The following STARD13 variants were observed in gnomAD, a reference collection of about 807,000 sequenced individuals.
STARD13 encodes StAR related lipid transfer domain containing 13, also known as stAR-related lipid transfer protein 13.
A neutral mutation model predicts 106.4 loss-of-function variants in STARD13; 62 were observed. The observed-to-expected ratio is 0.58, with a 90% CI of 0.48 to 0.72. The LOEUF is 0.72. STARD13 is among the 30% of genes least tolerant of loss of function. STARD13 has a pLI of 0.00. For synonymous variants in STARD13, 565 were observed against 553.0 expected, an observed-to-expected ratio of 1.02 and a Z score of -0.31; for missense variants, 1,387 against 1,424.0, an observed-to-expected ratio of 0.97 and a Z score of 0.42.
the STARD13 span, among the ~76,000 whole-genome samples, chr13:33,393,745 A>G: frequency 6.6e-6 from 1 of 152,226 alleles, no homozygotes; most frequent in Non-Finnish European, 1.5e-5. Context: ...GGTGCATACT[A>G]TTTGACAAAA....
the STARD13 span, among the ~76,000 whole-genome samples, chr13:33,639,984 G>A: frequency 6.6e-6 from 1 of 152,196 alleles, no homozygotes; most frequent in Non-Finnish European, 1.5e-5. Context: ...GTAGAGCAAT[G>A]GGTGAGAGGA....
downstream of STARD13, among the ~76,000 whole-genome samples, chr13:33,344,707 T>C (rs2078000300): frequency 1.3e-5 from 2 of 152,222 alleles, no homozygotes; most frequent in African/African-American, 4.8e-5. Flanking sequence ...GTCAGAATAT[T>C]TTTGGCAGCA....
chr13:33,499,613 CTT>C, the STARD13 span, among the ~76,000 whole-genome samples: 2,181 of 69,338 alleles, frequency 0.031, 90 homozygotes, highest in Middle Eastern at 0.044. Flanking sequence ...CTTTCTTCTT[CTT>C]CTTCTTCTTC....
the STARD13 span, among the ~76,000 whole-genome samples, chr13:33,430,880 A>C: frequency 6.6e-6 from 1 of 152,242 alleles, no homozygotes. Context: ...TTATGAAGAC[A>C]GAATAGACTG....
At chr13:33,134,686 C>G (rs1315678287) in intron 4 of STARD13, among the ~76,000 whole-genome samples, 1 of 152,104 alleles carries the variant, frequency 6.6e-6, no homozygotes, top group Non-Finnish European at 1.5e-5. Flanking sequence ...ACCATATAAA[C>G]CCTAAAGTGG....
intron 11 of STARD13, 93 bp downstream of exon 11, chr13:33,110,593 G>T: frequency 9.3e-7 from 1 of 1,077,736 alleles, no homozygotes; most frequent in Non-Finnish European, 1.4e-6. Flanking sequence ...GCCAAGCCCT[G>T]TGGACACAGC....
At chr13:33,219,438 G>T (rs770717193) in intron 1 of STARD13, among the ~76,000 whole-genome samples, 4 of 149,110 alleles carry the variant, frequency 2.7e-5, no homozygotes. Flanking sequence ...AAAATAGGTC[G>T]GATGCAGGAG....
the STARD13 span, among the ~76,000 whole-genome samples, chr13:33,627,421 G>A: frequency 6.6e-6 from 1 of 152,092 alleles, no homozygotes; most frequent in African/African-American, 2.4e-5. Flanking sequence ...GGTGGATCAC[G>A]AGGTCAGGAG....
At chr13:33,504,537 T>C in the STARD13 span, among the ~76,000 whole-genome samples, 3 of 142,586 alleles carry the variant, frequency 2.1e-5, no homozygotes, top group Non-Finnish European at 3.0e-5. Flanking sequence ...TTCTCACTCA[T>C]AGGGGAGAAT....
the STARD13 span, among the ~76,000 whole-genome samples, chr13:33,560,029 A>G: frequency 1.3e-5 from 2 of 151,484 alleles, no homozygotes; most frequent in Non-Finnish European, 2.9e-5. Context: ...TAAGCCATCT[A>G]GTCTGTGGTA....
chr13:33,432,205 C>G, the STARD13 span, among the ~76,000 whole-genome samples: 1 of 152,240 alleles, frequency 6.6e-6, no homozygotes, highest in South Asian at 2.1e-4. Flanking sequence ...AGAGGACCCA[C>G]AGTCACTCGC....
At chr13:33,350,459 C>G (rs1187017521) in exon 1 of STARD13, 2 of 1,503,036 alleles carry the variant, frequency 1.3e-6, no homozygotes, top group Admixed American at 4.1e-5. Context: ...CACCGCCACT[C>G]CCGCGTGGCC....
At chr13:33,594,542 G>A in the STARD13 span, among the ~76,000 whole-genome samples, 5 of 152,060 alleles carry the variant, frequency 3.3e-5, no homozygotes, top group Non-Finnish European at 7.4e-5. Flanking sequence ...ATTTATCATT[G>A]TAATGATTTT....
At position 33,129,602 on chromosome 13, in the gene STARD13, G is replaced by T; in HGVS notation, c.1075C>A (p.Arg359Ser). The change falls in exon 5 of 14, where the codon CGC (arginine) becomes AGC (serine). Residue 359 changes from arginine to serine, a missense_variant. Coordinates refer to ENST00000336934, the MANE Select transcript of STARD13 (RefSeq NM_178006.4). ...KERKCHEANK[R>S]GGMYLEDLDV... ...AGGTCCTCCAAGTACATGCCCCCGC[G>T]CTTGTTGGCCTCGTGGCACTTGCGT... The T allele has an allele frequency of 6.2e-7, 1 of 1,614,008 alleles. No individual in the cohort carries two copies. Among genetic ancestry groups the T allele is most frequent in the Non-Finnish European group, 8.5e-7 (1 of 1,180,028 alleles).
the STARD13 span, among the ~76,000 whole-genome samples, chr13:33,473,667 A>G: frequency 5.3e-5 from 8 of 152,186 alleles, no homozygotes; most frequent in African/African-American, 1.9e-4. Flanking sequence ...GCCATAGGCC[A>G]GGAGAGTCTC....
intron 1 of STARD13, among the ~76,000 whole-genome samples, chr13:33,223,910 T>G (rs948771430): frequency 6.6e-6 from 1 of 152,206 alleles, no homozygotes; most frequent in Non-Finnish European, 1.5e-5. Context: ...ACATATTAAA[T>G]GATCACTAAA....
intron 1 of STARD13, among the ~76,000 whole-genome samples, chr13:33,296,207 T>A (rs928157708): frequency 7.0e-6 from 1 of 142,544 alleles, no homozygotes; most frequent in Non-Finnish European, 1.5e-5. Flanking sequence ...CCAGCCTGGG[T>A]GACAGAGCAA....
At chr13:33,635,813 T>C in the STARD13 span, among the ~76,000 whole-genome samples, 30 of 147,198 alleles carry the variant, frequency 2.0e-4, no homozygotes, top group African/African-American at 6.5e-4. Context: ...CGACACCCCG[T>C]CTCTACTAAA....
chr13:33,325,728 C>T (rs573276413), intron 1 of STARD13, among the ~76,000 whole-genome samples: 3 of 152,300 alleles, frequency 2.0e-5, no homozygotes, highest in East Asian at 1.9e-4. Flanking sequence ...GGCGCGGTGG[C>T]TCACGCCTGT....
Sources: gnomAD v4.1 joint callset for allele counts (sites outside exome capture counted in the v4.1 genomes callset) on GRCh38, gnomAD v4.1.1 for gene constraint, MANE v1.5 for transcripts, NCBI Gene and HGNC (gene_info 2026-07-23, HGNC 2026-07-21) for gene names.